The following ATAD3C variants were observed in gnomAD, a reference collection of about 807,000 sequenced individuals.
ATAD3C encodes ATPase family AAA domain-containing protein 3C.
ATAD3C carries 38 observed loss-of-function variants against 46.3 expected under a neutral mutation model. That is an observed-to-expected ratio of 0.82 (90% CI 0.63 to 1.08). The LOEUF (loss-of-function observed/expected upper bound fraction) is 1.08. ATAD3C is among the 50% of genes least tolerant of loss of function. The pLI is 0.00. For missense variants in ATAD3C, 563 were observed against 572.7 expected, an observed-to-expected ratio of 0.98 and a Z score of 0.17; for synonymous variants, 220 against 236.4, an observed-to-expected ratio of 0.93 and a Z score of 0.63.
intron 11 of ATAD3C, among the ~76,000 whole-genome samples, chr1:1,463,022 A>AC (rs1354043981): frequency 6.6e-6 from 1 of 151,858 alleles, no homozygotes; most frequent in East Asian, 1.9e-4. Context: ...GCAGACAGGC[A>AC]CCCCCCAGTG....
chr1:1,461,059 T>C (rs1477473130), intron 10 of ATAD3C, 142 bp downstream of exon 10: 7 of 1,140,672 alleles, frequency 6.1e-6, no homozygotes, highest in Non-Finnish European at 7.1e-6. Context: ...GCAGGAGCCC[T>C]GTGGGCCCCA....
In ATAD3C at chr1:1,462,146, A is replaced by G. The variant is rs1195751053; in HGVS notation, c.981-454A>G. Among the ~76,000 whole-genome samples the G allele has an allele frequency of 6.6e-6, 1 of 151,418 alleles. No individual in the cohort carries two copies. Among genetic ancestry groups the G allele is most frequent in the East Asian group, 1.9e-4 (1 of 5,164 alleles). ...AAGAGAGCCTGGTTCTCCCCTGCCG[A>G]CCCCTCCACTGCCGCCTGCTCCATG... On this transcript the variant is annotated intron_variant, in intron 10 of 11. Coordinates refer to ENST00000378785, the MANE Select transcript of ATAD3C (RefSeq NM_001039211.3). This position sits in a 1 kb window ranked among gnomAD's most constrained non-coding sequence, Gnocchi z 4.5.
chr1:1,466,800 G>C (rs966610017), intron 11 of ATAD3C, among the ~76,000 whole-genome samples: 2 of 151,832 alleles, frequency 1.3e-5, no homozygotes, highest in Non-Finnish European at 2.9e-5. Flanking sequence ...CTTTTCCAAC[G>C]ATGCTCATCA....
intron 6 of ATAD3C, 71 bp downstream of exon 6, chr1:1,455,987 G>A: frequency 6.2e-7 from 1 of 1,600,482 alleles, no homozygotes. Flanking sequence ...TGTCTGGGGG[G>A]CTCAGCTGCC....
chr1:1,462,520 T>C lies in ATAD3C; in HGVS notation c.981-80T>C. On this transcript the variant is annotated intron_variant, in intron 10 of 11. Coordinates refer to ENST00000378785, the MANE Select transcript of ATAD3C (RefSeq NM_001039211.3). This position sits in a 1 kb window ranked among gnomAD's most constrained non-coding sequence, Gnocchi z 4.5. ...GGGGCATCTGGCATGGGTGTCCGCC[T>C]GGCTGCCTGTCTTCCGGCCTCCACC... 7.2e-7 allele frequency: 1 copy of C among 1,395,066 alleles called. No homozygotes were observed. Among genetic ancestry groups the C allele is most frequent in the African/African-American group, 1.4e-5 (1 of 70,094 alleles). 86.4% of individuals were successfully genotyped at this position (1,395,066 alleles called of 1,614,324 possible).
chr1:1,451,489 G>A (rs1638858484), intron 1 of ATAD3C, among the ~76,000 whole-genome samples: 1 of 151,978 alleles, frequency 6.6e-6, no homozygotes, highest in Non-Finnish European at 1.5e-5. Context: ...TGGGATTACA[G>A]GCACCCACCA....
intron 11 of ATAD3C, among the ~76,000 whole-genome samples, chr1:1,465,320 G>A (rs896498147): frequency 2.6e-4 from 39 of 151,696 alleles, no homozygotes; most frequent in Non-Finnish European, 4.7e-4. Context: ...GGCCAGGCGC[G>A]GTGGCTCATG....
rs765685109 is a variant in ATAD3C, at chr1:1,459,115, C to T, written c.742-46C>T. ...TGGGACTTTCTGCTGTGGCTGTTTACAAGGCTTTGCTCCTGGTGCCTAAGG... is the reference window on the plus strand; with the variant it reads ...TGGGACTTTCTGCTGTGGCTGTTTATAAGGCTTTGCTCCTGGTGCCTAAGG... On this transcript the variant is annotated intron_variant, in intron 8 of 11. Coordinates refer to ENST00000378785, the MANE Select transcript of ATAD3C (RefSeq NM_001039211.3). The surrounding 1 kb of genome is among the most constrained non-coding windows in gnomAD (Gnocchi z 4.9). The T allele has an allele frequency of 5.1e-6, 8 of 1,561,754 alleles. No individual in the cohort carries two copies. The highest frequency in any genetic ancestry group is 1.2e-5 in the South Asian group (1 of 84,474).
rs569394514 is a variant in ATAD3C, at chr1:1,457,142, G to A, written c.703G>A (p.Val235Met). Reference protein sequence around the residue: ...NTSRRGLLLFVDEADAFLRKR... With the variant: ...NTSRRGLLLFMDEADAFLRKR... Reference sequence around the variant, plus strand: ...TCTCGTCCACAGCCTCCTGCTCTTTGTGGATGAAGCGGACGCCTTCCTTCG... The same window carrying A: ...TCTCGTCCACAGCCTCCTGCTCTTTATGGATGAAGCGGACGCCTTCCTTCG... The change falls in exon 8 of 12, where the codon GTG (valine) becomes ATG (methionine). Residue 235 changes from valine (V) to methionine (M), a missense_variant. Transcript: ENST00000378785. 2.0e-4 allele frequency: 329 copies of A among 1,613,524 alleles called. 1 individual carries two copies. In the African/African-American group the frequency reaches 4.0e-3, roughly 19 times the overall value.
chr1:1,461,164 C>T (rs1557780231), intron 10 of ATAD3C, among the ~76,000 whole-genome samples: 1 of 151,782 alleles, frequency 6.6e-6, no homozygotes, highest in Non-Finnish European at 1.5e-5. Context: ...TTTGGAGGCA[C>T]AGTCCACTAT....
At chr1:1,467,661 C>T (rs1005719554) in intron 11 of ATAD3C, among the ~76,000 whole-genome samples, 3 of 152,206 alleles carry the variant, frequency 2.0e-5, no homozygotes, top group East Asian at 3.9e-4. Flanking sequence ...GGTCCCCTGC[C>T]CTGTGCTTCC....
chr1:1,462,267 G>C lies in ATAD3C; in HGVS notation c.981-333G>C, dbSNP rs983880502. Among the ~76,000 whole-genome samples the C allele has an allele frequency of 1.3e-5, 2 of 151,968 alleles. No individual in the cohort carries two copies. Among genetic ancestry groups the C allele is most frequent in the African/African-American group, 4.8e-5 (2 of 41,386 alleles). On this transcript the variant is annotated intron_variant, in intron 10 of 11. Coordinates refer to ENST00000378785, the MANE Select transcript of ATAD3C (RefSeq NM_001039211.3). The surrounding 1 kb of genome is among the most constrained non-coding windows in gnomAD (Gnocchi z 4.5). ...GCTCGTAGCTCTGGCACCATGACCT[G>C]GCTTCTGTGGCCTCCAGGCAGAAGC...
intron 10 of ATAD3C, among the ~76,000 whole-genome samples, chr1:1,461,119 C>T (rs931411834): frequency 6.6e-6 from 1 of 152,038 alleles, no homozygotes; most frequent in African/African-American, 2.4e-5. Context: ...TTTCCTCATC[C>T]CCACCTGAGA....
intron 3 of ATAD3C, 133 bp downstream of exon 3, chr1:1,452,567 C>G: frequency 7.0e-7 from 1 of 1,430,358 alleles, no homozygotes; most frequent in South Asian, 1.2e-5. Context: ...CAAGCCCAAA[C>G]TGGACCTGCT....
chr1:1,456,946 C>T lies in ATAD3C; in HGVS notation c.690-183C>T, dbSNP rs143023277. On this transcript the variant is annotated intron_variant, in intron 7 of 11. Transcript: ENST00000378785. ...CTGGGCTGAGTGGGGGTGAAGCCTG[C>T]GGGGCAGAGTCTGCTTCTGTCGGTG... Among the ~76,000 whole-genome samples the T allele has an allele frequency of 9.4e-3, 1,430 of 152,082 alleles. 29 individuals carry two copies. The highest frequency in any genetic ancestry group is 0.028 in the South Asian group (136 of 4,816).
chr1:1,460,644 T>C, intron 9 of ATAD3C, 106 bp from the exon 10 acceptor site: 1 of 1,418,650 alleles, frequency 7.0e-7, no homozygotes, highest in African/African-American at 1.5e-5. Context: ...GCTGCCACTT[T>C]AGATTCTCCC....
chr1:1,458,305 G>A (rs1189583862), intron 8 of ATAD3C, among the ~76,000 whole-genome samples: 1 of 146,700 alleles, frequency 6.8e-6, no homozygotes, highest in Middle Eastern at 3.8e-3. Flanking sequence ...TTAAGACAGG[G>A]TCTCTGTCGC....
chr1:1,463,726 C>T (rs577905077), intron 11 of ATAD3C, among the ~76,000 whole-genome samples: 1 of 151,902 alleles, frequency 6.6e-6, no homozygotes, highest in Non-Finnish European at 1.5e-5. Flanking sequence ...GCCTGGAAAG[C>T]AAGTCAAGAA....
At chr1:1,454,655 G>A (rs568835002) in intron 4 of ATAD3C, among the ~76,000 whole-genome samples, 155 bp downstream of exon 4, 5 of 150,620 alleles carry the variant, frequency 3.3e-5, no homozygotes, top group African/African-American at 9.9e-5. Context: ...CCTGTCTGGC[G>A]CTGTACCTTA....
Sources: gnomAD v4.1 joint callset for allele counts (sites outside exome capture counted in the v4.1 genomes callset) on GRCh38, gnomAD v4.1.1 for gene constraint, Gnocchi (gnomAD v3.1) non-coding constraint, MANE v1.5 for transcripts, NCBI Gene and HGNC (gene_info 2026-07-23, HGNC 2026-07-21) for gene names.